The following PHLPP1 variants were observed in gnomAD, a reference collection of about 807,000 sequenced individuals.
PHLPP1 encodes the protein PH domain leucine-rich repeat-containing protein phosphatase 1.
In PHLPP1, 42 loss-of-function variants were observed where a neutral mutation model predicts 117.2. The ratio of observed to expected loss-of-function variants is 0.36; its 90% CI spans 0.28 to 0.46. PHLPP1 has a LOEUF of 0.46. PHLPP1 is among the 20% of genes least tolerant of loss of function. PHLPP1 has a pLI of 1.00. For missense variants in PHLPP1, 2,084 were observed against 2,241.9 expected (o/e 0.93, Z 1.42); for synonymous variants, 1,042 against 970.7 (o/e 1.07, Z -1.37).
chr18:62,930,637 A>G (rs1016636397), intron 10 of PHLPP1, among the ~76,000 whole-genome samples: 6 of 152,224 alleles, frequency 3.9e-5, no homozygotes, highest in Non-Finnish European at 8.8e-5. Flanking sequence ...CATTAAACAG[A>G]CTATCAAGGC....
chr18:62,847,265 C>T (rs146985010), intron 3 of PHLPP1, among the ~76,000 whole-genome samples: 67 of 152,238 alleles, frequency 4.4e-4, no homozygotes, highest in Middle Eastern at 3.4e-3. Flanking sequence ...TTCTCACTGT[C>T]CAGCAAGGAG....
chr18:62,799,122 A>T (rs183324373), intron 1 of PHLPP1, among the ~76,000 whole-genome samples: 2 of 152,356 alleles, frequency 1.3e-5, no homozygotes, highest in East Asian at 3.9e-4. Flanking sequence ...AAGGAAAGAA[A>T]GGGAAGCTGC....
intron 4 of PHLPP1, among the ~76,000 whole-genome samples, chr18:62,893,903 A>C (rs1190847651): frequency 6.6e-6 from 1 of 152,184 alleles, no homozygotes; most frequent in Non-Finnish European, 1.5e-5. Context: ...GTTTGGAATA[A>C]AGATGGTAAG....
intron 1 of PHLPP1, among the ~76,000 whole-genome samples, chr18:62,758,562 G>A (rs1029630482): frequency 6.6e-5 from 10 of 152,114 alleles, no homozygotes; most frequent in African/African-American, 2.4e-4. Flanking sequence ...GCTTCTTTTT[G>A]CTAAAGTAAA....
Position 62,716,599 on chromosome 18 carries a change from G to A in PHLPP1, c.916G>A (p.Val306Ile), listed in dbSNP as rs1046977032. The change falls in exon 1 of 17, where the codon GTC (valine) becomes ATC (isoleucine). Residue 306 changes from valine (V) to isoleucine (I), a missense_variant. Physicochemically the swap from Val to Ile is conservative, Grantham distance 29 (BLOSUM62 3). Transcript: ENST00000262719. This position sits in a 1 kb window ranked among gnomAD's most constrained non-coding sequence, Gnocchi z 5.7. ...GCCCCCCGCCGACCTACCCCTGCCCGTCGGCGGCCCGGGCGGGTGGTCGCG... is the reference window on the plus strand; with the variant it reads ...GCCCCCCGCCGACCTACCCCTGCCCATCGGCGGCCCGGGCGGGTGGTCGCG... The part of the protein sequence containing the change: ...RAPPADLPLP[V>I]GGPGGWSRRA... 3.1e-6 allele frequency: 4 copies of A among 1,299,342 alleles called. No individual in the cohort carries two copies. Among genetic ancestry groups the A allele is most frequent in the Admixed American group, 4.2e-5 (1 of 23,754 alleles). 80.5% of individuals were successfully genotyped at this position (1,299,342 alleles called of 1,614,324 possible).
At chr18:62,822,280 G>GTTTTTTTTT (rs796719016) in intron 1 of PHLPP1, among the ~76,000 whole-genome samples, 3 of 95,980 alleles carry the variant, frequency 3.1e-5, no homozygotes, top group Non-Finnish European at 6.1e-5. Flanking sequence ...TTTTTTTTTT[G>GTTTTTTTTT]TTTTTGTTTT....
intron 1 of PHLPP1, among the ~76,000 whole-genome samples, chr18:62,791,348 C>A (rs1001299896): frequency 6.6e-6 from 1 of 152,032 alleles, no homozygotes; most frequent in Non-Finnish European, 1.5e-5. Flanking sequence ...CATGTTTCCT[C>A]CTGAAATGTT....
At chr18:62,874,669 A>G (rs1198740941) in intron 4 of PHLPP1, among the ~76,000 whole-genome samples, 173 of 151,066 alleles carry the variant, frequency 1.1e-3, no homozygotes, top group African/African-American at 3.7e-3. Flanking sequence ...ACACACACAC[A>G]CACACACACA....
chr18:62,946,344 C>T (rs1910280971), intron 12 of PHLPP1, among the ~76,000 whole-genome samples: 1 of 152,128 alleles, frequency 6.6e-6, no homozygotes, highest in African/African-American at 2.4e-5. Flanking sequence ...TCACTGCAAC[C>T]TCTCTCTGTC....
intron 4 of PHLPP1, among the ~76,000 whole-genome samples, chr18:62,879,365 CA>C (rs1916119657): frequency 6.6e-6 from 1 of 151,808 alleles, no homozygotes; most frequent in African/African-American, 2.4e-5. Context: ...TGTGAGAAAT[CA>C]ATTTTTTCTT....
chr18:62,824,595 A>T (rs1914558459), intron 1 of PHLPP1, among the ~76,000 whole-genome samples: 1 of 151,988 alleles, frequency 6.6e-6, no homozygotes, highest in Non-Finnish European at 1.5e-5. Context: ...ATCTTATTTT[A>T]TACTTTATGT....
chr18:62,943,408 CCTT>C (rs1910187662), intron 11 of PHLPP1, among the ~76,000 whole-genome samples: 1 of 152,186 alleles, frequency 6.6e-6, no homozygotes, highest in Non-Finnish European at 1.5e-5. Context: ...TCTTTTGCCA[CCTT>C]CTTTTTATGT....
chr18:62,733,240 A>T (rs1911275708), intron 1 of PHLPP1, among the ~76,000 whole-genome samples: 1 of 152,184 alleles, frequency 6.6e-6, no homozygotes, highest in Non-Finnish European at 1.5e-5. Flanking sequence ...AGCAGCAACC[A>T]CCTGAATCAG....
intron 2 of PHLPP1, among the ~76,000 whole-genome samples, chr18:62,831,432 G>A (rs1307334621): frequency 2.0e-5 from 3 of 151,800 alleles, no homozygotes; most frequent in African/African-American, 7.3e-5. Flanking sequence ...CTGCCTCCCG[G>A]GTTCAAGTGA....
rs1237727775 is a variant in PHLPP1 at position 62,905,259 on chromosome 18, T to G, written c.2683T>G (p.Tyr895Asp). 1 of 1,547,084 alleles carries G rather than the reference T, an allele frequency of 6.5e-7. No homozygotes were observed. Among genetic ancestry groups the G allele is most frequent in the Non-Finnish European group, 8.7e-7 (1 of 1,147,900 alleles). ...ACTTGATGTTTACCCAGTTCCAAAT[T>G]ATCTGTCCTACATGGATGTTTCAAG... ...VQLDVYPVPN[Y>D]LSYMDVSRNR... Residue 895 changes from tyrosine (Y) to aspartate (D), a missense_variant, in exon 8 of 17, where the codon TAT (tyrosine) becomes GAT (aspartate). Around this residue, in one of 2 missense-constraint regions of PHLPP1, gnomAD observed 1,365 missense variants for 1,605.9 expected, o/e 0.85. Transcript: ENST00000262719.
At chr18:62,972,222 CT>C (rs2144490311) in intron 14 of PHLPP1, among the ~76,000 whole-genome samples, 1 of 151,320 alleles carries the variant, frequency 6.6e-6, no homozygotes, top group African/African-American at 2.4e-5. Context: ...TCATAATCTT[CT>C]CTTATTTCCC....
intron 10 of PHLPP1, among the ~76,000 whole-genome samples, chr18:62,934,319 C>T (rs182499115): frequency 6.6e-6 from 1 of 152,244 alleles, no homozygotes; most frequent in East Asian, 1.9e-4. Flanking sequence ...ATGGAATCAA[C>T]CTATGTACCC....
At chr18:62,948,639 C>T (rs1262179436) in intron 12 of PHLPP1, among the ~76,000 whole-genome samples, 1 of 151,544 alleles carries the variant, frequency 6.6e-6, no homozygotes, top group Non-Finnish European at 1.5e-5. Flanking sequence ...CTGAGCTCCT[C>T]CATTACCAGT....
chr18:62,766,075 AAATATATATATATAT>A (rs1285776563), intron 1 of PHLPP1, among the ~76,000 whole-genome samples: 5 of 49,604 alleles, frequency 1.0e-4, no homozygotes, highest in Non-Finnish European at 2.2e-4. Flanking sequence ...AAAAAAAAAA[AAATATATATATATAT>A]ATATATATAT....
Sources: allele counts gnomAD v4.1 joint callset (sites outside exome capture counted in the v4.1 genomes callset), GRCh38; gene constraint gnomAD v4.1.1; regional missense constraint gnomAD v4.1.1; non-coding constraint Gnocchi (gnomAD v3.1); transcripts MANE v1.5; gene names NCBI Gene and HGNC (gene_info 2026-07-23, HGNC 2026-07-21).